ABI2: variants seen among roughly 807,000 people sequenced by gnomAD.
ABI2 encodes abelson interactor 2.
ABI2 carries 25 observed loss-of-function variants against 59.2 expected under a neutral mutation model. That is an observed-to-expected ratio of 0.42 (90% CI 0.31 to 0.59). The LOEUF (loss-of-function observed/expected upper bound fraction) is 0.59. Among genes scored for constraint, ABI2 ranks in the 20% least tolerant of loss-of-function variants. ABI2 has a pLI of 0.14. For missense variants in ABI2, 545 were observed against 681.8 expected (o/e 0.80, Z 2.23); for synonymous variants, 213 against 235.5 (o/e 0.90, Z 0.87).
intron 1 of ABI2, among the ~76,000 whole-genome samples, chr2:203,344,212 A>G (rs1230103263): frequency 6.6e-6 from 1 of 152,212 alleles, no homozygotes; most frequent in Non-Finnish European, 1.5e-5. Flanking sequence ...GTACCATCTT[A>G]CAATTATAAG....
rs10527327 is a variant in ABI2 at position 203,385,139 on chromosome 2, C to CTTTTTTTTTTTTTTTTTTTTTTTT, written c.480+2946_480+2947insTTTTTTTTTTTTTTTTTTTTTTTT. 2.0e-3 allele frequency among the ~76,000 whole-genome samples: 138 copies of CTTTTTTTTTTTTTTTTTTTTTTTT among 69,936 alleles called. 33 individuals are homozygous for CTTTTTTTTTTTTTTTTTTTTTTTT. Among genetic ancestry groups the CTTTTTTTTTTTTTTTTTTTTTTTT allele is most frequent in the South Asian group, 4.0e-3 (5 of 1,254 alleles). The allele number at this position is 69,936 out of a possible 152,430, so 45.9% of individuals were successfully genotyped here. A position where few individuals can be genotyped will look rare whatever the true frequency, so the allele number is the denominator to read the frequency against. ...TGAGCCACCGCACCCGGCTCAGATT[C>CTTTTTTTTTTTTTTTTTTTTTTTT]TTTTTTTTTTTTTGAGACAGTCTTG... is the stretch of plus-strand genomic sequence containing the variant. On this transcript the variant is annotated intron_variant, in intron 4 of 11. Transcript: ENST00000261018.
Position 203,328,842 on chromosome 2 carries a change from C to T in ABI2, c.117+211C>T, listed in dbSNP as rs1169712386. 3 of 361,842 alleles carry T rather than the reference C, an allele frequency of 8.3e-6. No homozygotes were observed. The East Asian group carries it at 1.3e-4, about 16-fold the overall frequency. 22.4% of individuals were successfully genotyped at this position (361,842 alleles called of 1,614,324 possible). A position where few individuals can be genotyped will look rare whatever the true frequency, so the allele number is the denominator to read the frequency against. On this transcript the variant is annotated intron_variant, in intron 1 of 11. Coordinates refer to ENST00000261018, the MANE Select transcript of ABI2 (RefSeq NM_001375670.1). ...AAAAACCTTTAAAAAAGCGGTGAAG[C>T]AGTTCTCGGCGTGGTGCGTGTGTCG...
At chr2:203,360,184 CAAAAAA>C (rs58857922) in intron 1 of ABI2, among the ~76,000 whole-genome samples, 2 of 70,906 alleles carry the variant, frequency 2.8e-5, no homozygotes, top group South Asian at 5.7e-4. Flanking sequence ...GACTCCATCT[CAAAAAA>C]AAAAAAAAAA....
chr2:203,339,696 T>C (rs1413913910), intron 1 of ABI2, among the ~76,000 whole-genome samples: 2 of 152,128 alleles, frequency 1.3e-5, no homozygotes, highest in African/African-American at 2.4e-5. Flanking sequence ...ATGAAATCAT[T>C]ATCTCAAAGA....
chr2:203,422,280 T>G (rs1189904832), intron 11 of ABI2, among the ~76,000 whole-genome samples: 1 of 151,878 alleles, frequency 6.6e-6, no homozygotes, highest in Non-Finnish European at 1.5e-5. Flanking sequence ...ACAGTAAGAC[T>G]CTGTCTCAAT....
At chr2:203,384,295 T>TG (rs1559289040) in intron 4 of ABI2, among the ~76,000 whole-genome samples, 10,065 of 87,256 alleles carry the variant, frequency 0.12, 906 homozygotes, top group African/African-American at 0.25. Flanking sequence ...TTTTTGTTTT[T>TG]TTTTTTTTTT....
chr2:203,332,603 C>T (rs1028358609), intron 1 of ABI2, among the ~76,000 whole-genome samples: 10 of 152,040 alleles, frequency 6.6e-5, no homozygotes, highest in African/African-American at 1.7e-4. Context: ...CCAGCCTGGG[C>T]GACAGAGCAA....
chr2:203,395,856 C>A, intron 7 of ABI2, 76 bp downstream of exon 7: 1 of 1,415,934 alleles, frequency 7.1e-7, no homozygotes, highest in Non-Finnish European at 9.4e-7. Context: ...TTATGGTGGG[C>A]TTTCTTCGTA....
intron 1 of ABI2, among the ~76,000 whole-genome samples, chr2:203,330,571 G>A (rs563113053): frequency 6.6e-6 from 1 of 152,134 alleles, no homozygotes; most frequent in Non-Finnish European, 1.5e-5. Context: ...GTACCAAGGA[G>A]GACTGGAGGA....
intron 1 of ABI2, among the ~76,000 whole-genome samples, chr2:203,351,836 G>A (rs4675336): frequency 0.97 from 147,939 of 152,260 alleles, 71,877 homozygotes; most frequent in Middle Eastern, 0.99. Context: ...GCACCCAGCC[G>A]GTTTTCAGTG....
At chr2:203,346,525 G>A (rs368302926) in intron 1 of ABI2, among the ~76,000 whole-genome samples, 5 of 152,224 alleles carry the variant, frequency 3.3e-5, no homozygotes, top group African/African-American at 1.2e-4. Flanking sequence ...ATCCATTACT[G>A]GAGTTGCACG....
At chr2:203,384,290 G>GTTTTTGTTTTTGTTTTT (rs2096329612) in intron 4 of ABI2, among the ~76,000 whole-genome samples, 3 of 26,116 alleles carry the variant, frequency 1.1e-4, no homozygotes, top group African/African-American at 4.7e-4. Flanking sequence ...TTTTGTTTTT[G>GTTTTTGTTTTTGTTTTT]TTTTTTTTTT....
chr2:203,335,502 A>T (rs190364148), intron 1 of ABI2, among the ~76,000 whole-genome samples: 1 of 152,136 alleles, frequency 6.6e-6, no homozygotes, highest in African/African-American at 2.4e-5. Context: ...GGCTCAAGCA[A>T]TTCTCCTGCC....
At chr2:203,404,301 G>T (rs578215274) in intron 9 of ABI2, among the ~76,000 whole-genome samples, 2 of 152,044 alleles carry the variant, frequency 1.3e-5, no homozygotes, top group South Asian at 2.1e-4. Flanking sequence ...GGTCCCTCTC[G>T]TAAATTAAGT....
chr2:203,411,344 G>A lies in ABI2; in HGVS notation c.1252G>A (p.Gly418Arg). The change falls in exon 10 of 12, where the codon GGA (glycine) becomes AGA (arginine). Residue 418 changes from glycine to arginine, a missense_variant. Physicochemically the swap from Gly to Arg is moderately radical, Grantham distance 125. Coordinates refer to ENST00000261018, the MANE Select transcript of ABI2 (RefSeq NM_001375670.1). ...LQVTPQLPLM[G>R]FVARVQENIS... ...GGTAACTCCTCAGTTACCTTTAATG[G>A]GATTTGTGGCCAGAGTCCAAGAAAA... is the stretch of plus-strand genomic sequence containing the variant. 6.2e-7 allele frequency: 1 copy of A among 1,613,200 alleles called. No individual in the cohort carries two copies. Among genetic ancestry groups the A allele is most frequent in the Non-Finnish European group, 8.5e-7 (1 of 1,179,570 alleles).
chr2:203,330,177 T>C (rs1315433219), intron 1 of ABI2, among the ~76,000 whole-genome samples: 3 of 144,558 alleles, frequency 2.1e-5, no homozygotes, highest in East Asian at 2.0e-4. Context: ...CATACTGTTA[T>C]CTTGTAGACA....
intron 2 of ABI2, among the ~76,000 whole-genome samples, chr2:203,371,264 C>G (rs189441168): frequency 6.6e-6 from 1 of 152,288 alleles, no homozygotes; most frequent in East Asian, 1.9e-4. Flanking sequence ...TGAACTGTTT[C>G]CCAAATTACT....
chr2:203,403,974 A>G (rs1163132785), intron 9 of ABI2, among the ~76,000 whole-genome samples: 2 of 151,616 alleles, frequency 1.3e-5, no homozygotes, highest in Non-Finnish European at 2.9e-5. Flanking sequence ...GCTGGTCTTA[A>G]ACTCCTGACC....
intron 2 of ABI2, among the ~76,000 whole-genome samples, chr2:203,378,261 C>T (rs568415182): frequency 1.6e-3 from 239 of 152,056 alleles, no homozygotes; most frequent in Non-Finnish European, 2.8e-3. Context: ...TACAGGCACC[C>T]GCCACCATGC....
Sources: gnomAD v4.1 joint callset for allele counts (sites outside exome capture counted in the v4.1 genomes callset) on GRCh38, gnomAD v4.1.1 for gene constraint, MANE v1.5 for transcripts, NCBI Gene and HGNC (gene_info 2026-07-23, HGNC 2026-07-21) for gene names.